PARD3B: variants seen among roughly 807,000 people sequenced by gnomAD.
The protein encoded by PARD3B is par-3 family cell polarity regulator beta.
PARD3B carries 103 observed loss-of-function variants against 130.2 expected under a neutral mutation model. The observed-to-expected ratio is 0.79, with a 90% CI of 0.67 to 0.93. The LOEUF (loss-of-function observed/expected upper bound fraction) is 0.93. Among genes scored for constraint, PARD3B ranks in the 40% least tolerant of loss-of-function variants. PARD3B has a pLI of 0.00. For synonymous variants in PARD3B, 583 were observed against 553.2 expected (o/e 1.05, Z -0.76); for missense variants, 1,609 against 1,499.2 (o/e 1.07, Z -1.21).
rs1204537656 is a variant in PARD3B, at chr2:205,550,697, A to T, written c.3181-2627A>T. ...ATCCCTTAAGAATAAGGATCACCTT[A>T]CATTTCATACAATCTTATATGCTGT... On this transcript the variant is annotated intron_variant, in intron 21 of 22. Transcript: ENST00000406610. This position sits in a 1 kb window ranked among gnomAD's most constrained non-coding sequence, Gnocchi z 4.5. 1.3e-5 allele frequency among the ~76,000 whole-genome samples: 2 copies of T among 151,860 alleles called. No individual in the cohort carries two copies. The highest frequency in any genetic ancestry group is 2.9e-5 in the Non-Finnish European group (2 of 67,990).
At chr2:204,797,798 T>G (rs538786144) in intron 2 of PARD3B, among the ~76,000 whole-genome samples, 1 of 152,320 alleles carries the variant, frequency 6.6e-6, no homozygotes, top group South Asian at 2.1e-4. Context: ...AGAATGTCAT[T>G]GAACCAATGA....
At chr2:205,262,643 G>A (rs970036446) in intron 16 of PARD3B, among the ~76,000 whole-genome samples, 5 of 152,142 alleles carry the variant, frequency 3.3e-5, no homozygotes, top group Middle Eastern at 3.4e-3. Flanking sequence ...AAAAGACAAC[G>A]ATTTTCTTGT....
intron 2 of PARD3B, among the ~76,000 whole-genome samples, chr2:204,942,595 T>C (rs1688986836): frequency 6.6e-6 from 1 of 152,126 alleles, no homozygotes; most frequent in South Asian, 2.1e-4. Context: ...AGCTTTAACT[T>C]TCTTTTTTTA....
At chr2:205,365,014 A>G (rs1273011471) in intron 18 of PARD3B, among the ~76,000 whole-genome samples, 2 of 152,014 alleles carry the variant, frequency 1.3e-5, no homozygotes, top group Non-Finnish European at 2.9e-5. Flanking sequence ...AGCCTGGGCA[A>G]GATGGTGAAA....
chr2:205,457,879 C>T (rs1019683870), intron 20 of PARD3B, among the ~76,000 whole-genome samples: 1 of 152,072 alleles, frequency 6.6e-6, no homozygotes, highest in African/African-American at 2.4e-5. Context: ...ACATTATGTT[C>T]AAATGAAATG....
chr2:205,206,309 G>A (rs932571257), intron 15 of PARD3B, among the ~76,000 whole-genome samples: 1 of 148,552 alleles, frequency 6.7e-6, no homozygotes, highest in Non-Finnish European at 1.5e-5. Flanking sequence ...CTGGTGCACT[G>A]CACCCACCAA....
intron 1 of PARD3B, among the ~76,000 whole-genome samples, chr2:204,625,625 A>G (rs901618118): frequency 6.6e-6 from 1 of 152,170 alleles, no homozygotes; most frequent in African/African-American, 2.4e-5. Flanking sequence ...TCTTCTCTCT[A>G]ATTAAAGCAA....
chr2:204,946,806 C>G (rs1177851953), intron 2 of PARD3B, among the ~76,000 whole-genome samples: 3 of 152,088 alleles, frequency 2.0e-5, no homozygotes, highest in African/African-American at 7.2e-5. Flanking sequence ...GCCTGAGTAC[C>G]AGGAGATCTG....
Position 205,263,463 on chromosome 2 carries a change from T to C in PARD3B, c.2185+17641T>C, listed in dbSNP as rs934589829. 1.3e-5 allele frequency among the ~76,000 whole-genome samples: 2 copies of C among 151,258 alleles called. No homozygotes were observed. Among genetic ancestry groups the C allele is most frequent in the Non-Finnish European group, 3.0e-5 (2 of 67,702 alleles). On this transcript the variant is annotated intron_variant, in intron 16 of 22. Coordinates refer to ENST00000406610, the MANE Select transcript of PARD3B (RefSeq NM_001302769.2). This position sits in a 1 kb window ranked among gnomAD's most constrained non-coding sequence, Gnocchi z 4.0. ...GAATGAACATTTTAAAGTAAAATTC[T>C]GTCATTTCACTTCTTATAAACCTTC...
chr2:204,984,678 G>A (rs1256414027), intron 3 of PARD3B, among the ~76,000 whole-genome samples: 5 of 152,082 alleles, frequency 3.3e-5, no homozygotes, highest in African/African-American at 1.2e-4. Flanking sequence ...TCTCCTCTTT[G>A]AGGAGCCAGA....
At chr2:204,680,916 T>A (rs1012597623) in intron 1 of PARD3B, among the ~76,000 whole-genome samples, 1 of 152,190 alleles carries the variant, frequency 6.6e-6, no homozygotes, top group African/African-American at 2.4e-5. Flanking sequence ...ATCTTTTCGG[T>A]TACACTATTT....
In PARD3B at chr2:205,185,830, C is replaced by T; in HGVS notation, c.1991C>T (p.Ala664Val). The T allele has an allele frequency of 6.2e-7, 1 of 1,614,020 alleles. No homozygotes were observed. The highest frequency in any genetic ancestry group is 1.1e-5 in the South Asian group (1 of 91,076). Residue 664 changes from alanine to valine, a missense_variant, in exon 14 of 23, where the codon GCT (alanine) becomes GTT (valine). Transcript: ENST00000406610. ...EVPPSPTPHSALGLGLEDYSH... is the reference protein window; with the variant it reads ...EVPPSPTPHSVLGLGLEDYSH... ...CCACCTTCTCCAACACCACATTCTG[C>T]TCTGGGATTGGGCCTCGAAGATTAC... is the stretch of plus-strand genomic sequence containing the variant.
rs935443601 is a variant in PARD3B at position 205,405,122 on chromosome 2, C to T, written c.2741+3999C>T. Among the ~76,000 whole-genome samples, 2 of 151,912 alleles carry T rather than the reference C, an allele frequency of 1.3e-5. No individual in the cohort carries two copies. The highest frequency in any genetic ancestry group is 4.8e-5 in the African/African-American group (2 of 41,328). ...CTATAGCTACATGTACTGAAAAAGT[C>T]CAAAAAGCCATAAAAGATGAGTTGG... is the stretch of plus-strand genomic sequence containing the variant. On this transcript the variant is annotated intron_variant, in intron 19 of 22. Transcript: ENST00000406610. The surrounding 1 kb of genome is among the most constrained non-coding windows in gnomAD (Gnocchi z 4.1).
chr2:205,119,596 T>G (rs1438148923), intron 7 of PARD3B, among the ~76,000 whole-genome samples: 2 of 152,042 alleles, frequency 1.3e-5, no homozygotes, highest in African/African-American at 4.8e-5. Flanking sequence ...CTGGCCAATA[T>G]GGTGAAACCC....
chr2:204,601,133 T>A (rs1383449582), intron 1 of PARD3B, among the ~76,000 whole-genome samples: 1 of 151,980 alleles, frequency 6.6e-6, no homozygotes, highest in African/African-American at 2.4e-5. Flanking sequence ...ATAACCTCGT[T>A]TTCTACTCCA....
chr2:205,100,105 C>A (rs1331421215), intron 4 of PARD3B, among the ~76,000 whole-genome samples: 1 of 152,052 alleles, frequency 6.6e-6, no homozygotes, highest in Non-Finnish European at 1.5e-5. Flanking sequence ...TCTTTACTTG[C>A]TATCTAACTG....
chr2:204,688,616 T>C (rs897954025), intron 2 of PARD3B, among the ~76,000 whole-genome samples: 3 of 151,884 alleles, frequency 2.0e-5, no homozygotes, highest in African/African-American at 7.2e-5. Context: ...AAAGAATTTC[T>C]TATTTTTCTG....
At chr2:204,629,178 A>C (rs1276990509) in intron 1 of PARD3B, among the ~76,000 whole-genome samples, 1 of 152,228 alleles carries the variant, frequency 6.6e-6, no homozygotes, top group African/African-American at 2.4e-5. Flanking sequence ...GAGAAGCAAG[A>C]AGAAAAGAAT....
intron 1 of PARD3B, among the ~76,000 whole-genome samples, chr2:204,634,305 G>T (rs1242074123): frequency 6.6e-6 from 1 of 152,144 alleles, no homozygotes; most frequent in Non-Finnish European, 1.5e-5. Context: ...CATTCATGTT[G>T]TTGCAAATAA....
Sources: gnomAD v4.1 joint callset for allele counts (sites outside exome capture counted in the v4.1 genomes callset) on GRCh38, gnomAD v4.1.1 for gene constraint, Gnocchi (gnomAD v3.1) non-coding constraint, MANE v1.5 for transcripts, NCBI Gene and HGNC (gene_info 2026-07-23, HGNC 2026-07-21) for gene names.